Variants in RP1L1 observed in about 807,000 individuals in gnomAD.
RP1L1 encodes retinitis pigmentosa 1-like 1 protein.
RP1L1 carries 27 observed loss-of-function variants against 15.7 expected under a neutral mutation model. The observed-to-expected ratio is 1.72, with a 90% CI of 1.27 to 2.38. The LOEUF is 2.38. Among genes scored for constraint, RP1L1 ranks in the 30% most tolerant of loss-of-function variants. The pLI, the probability that RP1L1 is intolerant of heterozygous loss-of-function variation, is 0.00. For synonymous variants in RP1L1, 1,813 were observed against 1,276.7 expected, an observed-to-expected ratio of 1.42 and a Z score of -8.96; for missense variants, 4,798 against 3,075.9, an observed-to-expected ratio of 1.56 and a Z score of -13.24.
intron 3 of RP1L1, among the ~76,000 whole-genome samples, chr8:10,615,091 G>C (rs1370884392): frequency 1.3e-5 from 2 of 152,160 alleles, no homozygotes; most frequent in African/African-American, 4.8e-5. Context: ...AATGAGACTG[G>C]ACACTCCTCC....
At position 10,610,940 on chromosome 8, in the gene RP1L1, T is replaced by A; in HGVS notation, c.3158A>T (p.Glu1053Val). Residue 1053 changes from glutamate (E) to valine (V), a missense_variant, in exon 4 of 4, where the codon GAG becomes GTG. Physicochemically the swap from Glu to Val is moderately radical, Grantham distance 121. Transcript: ENST00000382483. ...PQGAAPEGVS[E>V]APAEAGADRE... is the part of the protein sequence containing the mutation. ...GTCTGCTCCGGCCTCTGCAGGGGCCTCGGAAACTCCCTCTGGAGCTGCCCC... is the reference window on the plus strand; with the variant it reads ...GTCTGCTCCGGCCTCTGCAGGGGCCACGGAAACTCCCTCTGGAGCTGCCCC... 2 of 1,611,628 alleles carry A rather than the reference T, an allele frequency of 1.2e-6. No individual in the cohort carries two copies. Among genetic ancestry groups the A allele is most frequent in the Non-Finnish European group, 8.5e-7 (1 of 1,179,566 alleles).
chr8:10,636,604 G>C (rs1234378171), intron 1 of RP1L1, among the ~76,000 whole-genome samples: 1 of 152,078 alleles, frequency 6.6e-6, no homozygotes, highest in African/African-American at 2.4e-5. Context: ...AAAGGCGTGG[G>C]GGCAACAGGA....
At chr8:10,637,313 C>T (rs918734932) in intron 1 of RP1L1, among the ~76,000 whole-genome samples, 1 of 152,212 alleles carries the variant, frequency 6.6e-6, no homozygotes, top group Non-Finnish European at 1.5e-5. Context: ...GGATTTCCTC[C>T]AGTATTTATC....
In RP1L1 at chr8:10,610,569, A is replaced by T. The variant is rs1338370224; in HGVS notation, c.3529T>A (p.Trp1177Arg). The T allele has an allele frequency of 6.2e-7, 1 of 1,613,526 alleles. No individual in the cohort carries two copies. Among genetic ancestry groups the T allele is most frequent in the Non-Finnish European group, 8.5e-7 (1 of 1,180,032 alleles). ...CCAAGGTCTGGCAGAGCCTGGCTCC[A>T]TGTGAGCTCCCAGAGGCCTGAGTCC... The part of the protein sequence containing the change: ...QLDSGLWELT[W>R]SQALPDLGSH... The change falls in exon 4 of 4, where the codon TGG becomes AGG. Residue 1177 changes from tryptophan (W) to arginine (R), a missense_variant. Transcript: ENST00000382483.
At chr8:10,626,353 C>G (rs1450639015) in intron 1 of RP1L1, among the ~76,000 whole-genome samples, 9 of 152,172 alleles carry the variant, frequency 5.9e-5, no homozygotes, top group Non-Finnish European at 1.3e-4. Flanking sequence ...CCTTGAAGGG[C>G]TGATCAATAT....
chr8:10,620,252 A>G (rs1798037197), intron 2 of RP1L1, among the ~76,000 whole-genome samples: 1 of 152,148 alleles, frequency 6.6e-6, no homozygotes, highest in Admixed American at 6.5e-5. Context: ...AGTAAGCTGC[A>G]TGGGTTATGG....
intron 1 of RP1L1, among the ~76,000 whole-genome samples, chr8:10,634,587 T>A (rs1406182183): frequency 1.3e-5 from 2 of 152,166 alleles, no homozygotes; most frequent in African/African-American, 4.8e-5. Context: ...CTGGCATTGT[T>A]GAGGCACTGC....
intron 2 of RP1L1, 75 bp downstream of exon 2, chr8:10,622,518 C>G: frequency 6.3e-7 from 1 of 1,595,878 alleles, no homozygotes; most frequent in Admixed American, 1.7e-5. Flanking sequence ...GGAATAATCT[C>G]TCTCTTCCAT....
rs760447634 is a variant in RP1L1 at position 10,616,580 on chromosome 8, G to C, written c.617C>G (p.Ser206Trp). ...GGGGCTGTGCAGCAGGGCCTGCAGC[G>C]AGTCCACCTGAGGGAGGAGCGGGCG... ...LYTTSGKKVD[S>W]LQALLHSPSV... The change falls in exon 3 of 4, where the codon TCG (serine) becomes TGG (tryptophan). Residue 206 changes from serine (S) to tryptophan (W), a missense_variant. Transcript: ENST00000382483. 3 of 1,611,836 alleles carry C rather than the reference G, an allele frequency of 1.9e-6. No individual in the cohort carries two copies. Among genetic ancestry groups the C allele is most frequent in the Non-Finnish European group, 2.5e-6 (3 of 1,179,704 alleles).
chr8:10,611,648 G>T lies in RP1L1; in HGVS notation c.2450C>A (p.Ala817Glu). 2 of 1,613,028 alleles carry T rather than the reference G, an allele frequency of 1.2e-6. No individual in the cohort carries two copies. The highest frequency in any genetic ancestry group is 1.7e-6 in the Non-Finnish European group (2 of 1,179,932). Residue 817 changes from alanine to glutamate, a missense_variant, in exon 4 of 4, where the codon GCG (alanine) becomes GAG (glutamate). Ala to Glu is a moderately radical substitution (Grantham distance 107, BLOSUM62 -1). Coordinates refer to ENST00000382483, the MANE Select transcript of RP1L1 (RefSeq NM_178857.6). ...GCAGTGGCTTCGGTGGGGGCCCACC[G>T]CCCCTTGCTCAGGCCGTCCAACCTG... ...VLQVGRPEQG[A>E]VGPHRSHCCS...
At position 10,607,790 on chromosome 8, in the gene RP1L1, G is replaced by A. The variant is rs775003038; in HGVS notation, c.6308C>T (p.Ala2103Val). 2 of 1,604,882 alleles carry A rather than the reference G, an allele frequency of 1.2e-6. No individual in the cohort carries two copies. Among genetic ancestry groups the A allele is most frequent in the Middle Eastern group, 1.7e-4 (1 of 6,004 alleles). Reference sequence around the variant, plus strand: ...CTGGGCCTCCCCTTCTGCCTCTGGGGCCTCTACACCTTCTGATTCTGGCTG... The same window carrying A: ...CTGGGCCTCCCCTTCTGCCTCTGGGACCTCTACACCTTCTGATTCTGGCTG... Reference protein sequence around the residue: ...EAQPESEGVEAPEAEGEAQKA... With the variant: ...EAQPESEGVEVPEAEGEAQKA... Residue 2103 changes from alanine (A) to valine (V), a missense_variant, in exon 4 of 4, where the codon GCC becomes GTC. Transcript: ENST00000382483.
chr8:10,632,644 A>C (rs919301273), intron 1 of RP1L1, among the ~76,000 whole-genome samples: 5 of 152,216 alleles, frequency 3.3e-5, no homozygotes, highest in Non-Finnish European at 7.3e-5. Flanking sequence ...GAGGCCGCTG[A>C]CTTTGGCTCC....
chr8:10,613,666 G>A (rs1479442110), intron 3 of RP1L1, among the ~76,000 whole-genome samples: 2 of 148,484 alleles, frequency 1.3e-5, no homozygotes, highest in Non-Finnish European at 3.0e-5. Flanking sequence ...TGCCCCTACA[G>A]TCCCAGCTTC....
intron 2 of RP1L1, chr8:10,621,790 A>G (rs748858867): frequency 4.0e-6 from 2 of 500,078 alleles, no homozygotes; most frequent in Non-Finnish European, 4.0e-6. Context: ...GGCAAAAATT[A>G]CATTCACGCA....
At position 10,612,740 on chromosome 8, in the gene RP1L1, G is replaced by T; in HGVS notation, c.1358C>A (p.Ala453Asp). 1 of 1,607,216 alleles carries T rather than the reference G, an allele frequency of 6.2e-7. No individual in the cohort carries two copies. The highest frequency in any genetic ancestry group is 8.5e-7 in the Non-Finnish European group (1 of 1,179,614). ...GAGGCCGGTGCTGGAGGCTGGGCTG[G>T]CACTGTCCTGGCTGCATCTCTCCCT... ...AGRERCSQDS[A>D]SPASSTGLPE... Residue 453 changes from alanine to aspartate, a missense_variant, in exon 4 of 4, where the codon GCC (alanine) becomes GAC (aspartate). Physicochemically the swap from Ala to Asp is moderately radical, Grantham distance 126. Transcript: ENST00000382483.
rs554043526 is a variant in RP1L1, at chr8:10,646,644, C to T, written c.-20+8254G>A. Among the ~76,000 whole-genome samples the T allele has an allele frequency of 3.3e-5, 5 of 152,146 alleles. No individual in the cohort carries two copies. The East Asian group carries it at 5.8e-4, about 18-fold the overall frequency. ...TGTGGACGGAGGGGACCGAGCCAGC[C>T]CCTCTAAAGTCCAGGGCCTAGGAAG... On this transcript the variant is annotated intron_variant, in intron 1 of 3. Coordinates refer to ENST00000382483, the MANE Select transcript of RP1L1 (RefSeq NM_178857.6).
At chr8:10,620,149 G>T (rs1023558104) in intron 2 of RP1L1, among the ~76,000 whole-genome samples, 1 of 152,132 alleles carries the variant, frequency 6.6e-6, no homozygotes. Context: ...TTCCATCCCA[G>T]CAGTTTTGGT....
At chr8:10,653,495 T>C (rs1324833001) in intron 1 of RP1L1, among the ~76,000 whole-genome samples, 6 of 105,790 alleles carry the variant, frequency 5.7e-5, no homozygotes, top group African/African-American at 1.6e-4. Context: ...CACACACACG[T>C]GCACTCGTAA....
chr8:10,625,341 T>C (rs759265390), intron 1 of RP1L1, among the ~76,000 whole-genome samples: 2 of 152,248 alleles, frequency 1.3e-5, no homozygotes, highest in South Asian at 4.1e-4. Flanking sequence ...CTTCCTCCAG[T>C]ACCACTCACC....
Sources: gnomAD v4.1 joint callset for allele counts (sites outside exome capture counted in the v4.1 genomes callset) on GRCh38, gnomAD v4.1.1 for gene constraint, MANE v1.5 for transcripts, NCBI Gene and HGNC (gene_info 2026-07-23, HGNC 2026-07-21) for gene names.